The following FLRT1 variants were observed in gnomAD, a reference collection of about 807,000 sequenced individuals.
FLRT1 encodes leucine-rich repeat transmembrane protein FLRT1.
FLRT1 carries 14 observed loss-of-function variants against 30.9 expected under a neutral mutation model. The observed-to-expected ratio is 0.45, with a 90% CI of 0.30 to 0.71. The LOEUF is 0.71. Among genes scored for constraint, FLRT1 ranks in the 30% least tolerant of loss-of-function variants. The pLI is 0.08. For missense variants in FLRT1, 737 were observed against 949.2 expected, an observed-to-expected ratio of 0.78 and a Z score of 2.94; for synonymous variants, 368 against 430.4, an observed-to-expected ratio of 0.85 and a Z score of 1.80.
Position 64,117,034 on chromosome 11 carries a change from T to G in FLRT1, c.767T>G (p.Val256Gly). Residue 256 changes from valine to glycine, a missense_variant, in exon 3 of 3, where the codon GTG becomes GGG. Val to Gly is a moderately radical substitution (Grantham distance 109). Coordinates refer to ENST00000682287, the MANE Select transcript of FLRT1 (RefSeq NM_013280.5). ...CAGAACCTCACAGAGCTCTCGCTGG[T>G]GCGCAATTCGCTGGCCGCGCCACCC... ...RLQNLTELSL[V>G]RNSLAAPPLN... 6.2e-7 allele frequency: 1 copy of G among 1,610,626 alleles called. No homozygotes were observed. Among genetic ancestry groups the G allele is most frequent in the South Asian group, 1.1e-5 (1 of 90,606 alleles).
intron 1 of FLRT1, among the ~76,000 whole-genome samples, chr11:64,074,931 C>A (rs1234100167): frequency 5.3e-5 from 8 of 152,184 alleles, no homozygotes; most frequent in Admixed American, 4.6e-4. Flanking sequence ...CACCCTGGGG[C>A]AAAAGGGGTC....
intron 1 of FLRT1, among the ~76,000 whole-genome samples, chr11:64,089,135 C>T (rs565085619): frequency 2.6e-5 from 4 of 152,296 alleles, no homozygotes; most frequent in African/African-American, 4.8e-5. Context: ...CCCAGGAGCC[C>T]GCTGGTGACC....
intron 2 of FLRT1, among the ~76,000 whole-genome samples, chr11:64,113,953 T>C (rs1451006962): frequency 2.7e-5 from 4 of 147,554 alleles, no homozygotes; most frequent in Admixed American, 2.7e-4. Context: ...GATGGATGGA[T>C]GGATGGATGG....
intron 1 of FLRT1, among the ~76,000 whole-genome samples, chr11:64,053,186 G>A (rs1256193195): frequency 6.6e-6 from 1 of 152,168 alleles, no homozygotes; most frequent in African/African-American, 2.4e-5. Context: ...TTGGGGCCCT[G>A]GGGTGGGCGT....
chr11:64,066,911 C>G (rs1233214608), intron 1 of FLRT1, among the ~76,000 whole-genome samples: 1 of 152,222 alleles, frequency 6.6e-6, no homozygotes, highest in Non-Finnish European at 1.5e-5. Context: ...GCTATAGCTC[C>G]GGAGCCCACG....
rs1336586552 is a variant in FLRT1, at chr11:64,096,265, C to T, written c.-1037-6929C>T. Among the ~76,000 whole-genome samples the T allele has an allele frequency of 6.6e-6, 1 of 152,214 alleles. No individual in the cohort carries two copies. Among genetic ancestry groups the T allele is most frequent in the Non-Finnish European group, 1.5e-5 (1 of 68,040 alleles). On this transcript the variant is annotated intron_variant, in intron 1 of 2. Transcript: ENST00000682287. The surrounding 1 kb of genome is among the most constrained non-coding windows in gnomAD (Gnocchi z 4.6). ...CTGCCGACAAAAGCAGGCCAATTTC[C>T]TGAAAGAAGAGGTTCCGGCCTTGGC...
intron 1 of FLRT1, among the ~76,000 whole-genome samples, chr11:64,044,832 T>C (rs891426157): frequency 3.3e-5 from 5 of 152,136 alleles, no homozygotes; most frequent in Non-Finnish European, 7.4e-5. Context: ...TCTCCTGTGG[T>C]CTAAGAGCCT....
chr11:64,069,234 C>G (rs1590865535), intron 1 of FLRT1, among the ~76,000 whole-genome samples: 1 of 152,234 alleles, frequency 6.6e-6, no homozygotes, highest in East Asian at 1.9e-4. Flanking sequence ...GCGCCTTCAC[C>G]TGGATCCGCA....
chr11:64,113,417 C>CAGGG (rs113928065), intron 2 of FLRT1, among the ~76,000 whole-genome samples: 1 of 144,720 alleles, frequency 6.9e-6, no homozygotes, highest in Non-Finnish European at 1.5e-5. Flanking sequence ...CAGGTTGATG[C>CAGGG]ATGGATGGAT....
intron 2 of FLRT1, among the ~76,000 whole-genome samples, chr11:64,106,540 G>C (rs1409702771): frequency 1.3e-5 from 2 of 152,190 alleles, no homozygotes; most frequent in Admixed American, 1.3e-4. Flanking sequence ...GGGTCCCACT[G>C]GGAGAAGGGC....
At chr11:64,114,430 T>TG in intron 2 of FLRT1, among the ~76,000 whole-genome samples, 1 of 118,654 alleles carries the variant, frequency 8.4e-6, no homozygotes, top group African/African-American at 4.7e-5. Flanking sequence ...GAGGGATGGT[T>TG]GAATGGATGG....
In FLRT1 at chr11:64,067,893, G is replaced by A. The variant is rs890593298; in HGVS notation, c.-1038+31734G>A. 6.6e-6 allele frequency among the ~76,000 whole-genome samples: 1 copy of A among 152,254 alleles called. No individual in the cohort carries two copies. The highest frequency in any genetic ancestry group is 2.4e-5 in the African/African-American group (1 of 41,558). On this transcript the variant is annotated intron_variant, in intron 1 of 2. Coordinates refer to ENST00000682287, the MANE Select transcript of FLRT1 (RefSeq NM_013280.5). The surrounding 1 kb of genome is among the most constrained non-coding windows in gnomAD (Gnocchi z 4.6). ...TCCTGCTGCTGTCCATTTAGCCAGC[G>A]GTTCGCTCGGCTTTTAGGAGGGGGC... is the stretch of plus-strand genomic sequence containing the variant.
At position 64,118,194 on chromosome 11, in the gene FLRT1, G is replaced by T. The variant is rs746183688; in HGVS notation, c.1927G>T (p.Gly643Cys). ...GGTCCACACTATCTTCCCCTCCAAC[G>T]GCAGCAGCCTCTGCAAGGCCACACA... Reference protein sequence around the residue: ...YVVHTIFPSNGSSLCKATHTI... With the variant: ...YVVHTIFPSNCSSLCKATHTI... The change falls in exon 3 of 3, where the codon GGC becomes TGC. Residue 643 changes from glycine (G) to cysteine (C), a missense_variant. Coordinates refer to ENST00000682287, the MANE Select transcript of FLRT1 (RefSeq NM_013280.5). 1 of 1,613,106 alleles carries T rather than the reference G, an allele frequency of 6.2e-7. No homozygotes were observed. Among genetic ancestry groups the T allele is most frequent in the South Asian group, 1.1e-5 (1 of 91,084 alleles).
intron 1 of FLRT1, among the ~76,000 whole-genome samples, chr11:64,074,618 T>C (rs1944169000): frequency 6.6e-6 from 1 of 152,174 alleles, no homozygotes; most frequent in Non-Finnish European, 1.5e-5. Flanking sequence ...ATTGCTGAAC[T>C]GGGCTTTCCC....
chr11:64,073,859 A>T (rs1944153415), intron 1 of FLRT1, among the ~76,000 whole-genome samples: 1 of 151,818 alleles, frequency 6.6e-6, no homozygotes, highest in South Asian at 2.1e-4. Context: ...AGGGCCAGAG[A>T]TGCAGTTGGG....
At chr11:64,093,189 T>C (rs1944520400) in intron 1 of FLRT1, among the ~76,000 whole-genome samples, 3 of 152,222 alleles carry the variant, frequency 2.0e-5, no homozygotes, top group Non-Finnish European at 2.9e-5. Context: ...GTGTGAATAG[T>C]GTCTGCCTCG....
chr11:64,088,073 C>A (rs1192882313), intron 1 of FLRT1, among the ~76,000 whole-genome samples: 1 of 152,190 alleles, frequency 6.6e-6, no homozygotes. Context: ...TCCCCTGGCT[C>A]TTCCCATAGG....
At chr11:64,039,253 G>A (rs1417045516) in intron 1 of FLRT1, among the ~76,000 whole-genome samples, 3 of 152,116 alleles carry the variant, frequency 2.0e-5, no homozygotes, top group Non-Finnish European at 4.4e-5. Flanking sequence ...CGTGGGTGTG[G>A]CGAGGGTGCT....
At chr11:64,054,502 C>T (rs1174178196) in intron 1 of FLRT1, among the ~76,000 whole-genome samples, 1 of 152,114 alleles carries the variant, frequency 6.6e-6, no homozygotes, top group African/African-American at 2.4e-5. Flanking sequence ...CGGCAGCCCT[C>T]ACCCCTTGCA....
Sources: allele counts gnomAD v4.1 joint callset (sites outside exome capture counted in the v4.1 genomes callset), GRCh38; gene constraint gnomAD v4.1.1; non-coding constraint Gnocchi (gnomAD v3.1); transcripts MANE v1.5; gene names NCBI Gene and HGNC (gene_info 2026-07-23, HGNC 2026-07-21).